Variants in CAMTA1 observed in about 807,000 individuals in gnomAD.
CAMTA1 encodes calmodulin binding transcription activator 1.
CAMTA1 carries 27 observed loss-of-function variants against 170.9 expected under a neutral mutation model. That is an observed-to-expected ratio of 0.16 (90% CI 0.12 to 0.22). The LOEUF is 0.22. CAMTA1 is among the 10% of genes least tolerant of loss of function. The pLI, the probability that CAMTA1 is intolerant of heterozygous loss-of-function variation, is 1.00. For missense variants in CAMTA1, 1,619 were observed against 2,217.2 expected (o/e 0.73, Z 5.42); for synonymous variants, 833 against 891.5 (o/e 0.93, Z 1.17).
At chr1:7,516,124 C>T (rs1408762931) in intron 6 of CAMTA1, among the ~76,000 whole-genome samples, 6 of 152,206 alleles carry the variant, frequency 3.9e-5, no homozygotes, top group Non-Finnish European at 7.3e-5. Flanking sequence ...GGCTGGGGAA[C>T]GTGCGCTGAC....
chr1:7,147,945 T>C (rs1162714761), intron 4 of CAMTA1, among the ~76,000 whole-genome samples: 1 of 142,346 alleles, frequency 7.0e-6, no homozygotes, highest in Middle Eastern at 4.3e-3. Context: ...TCATATACCA[T>C]GCACACACAC....
chr1:7,566,543 A>G (rs776549709), intron 6 of CAMTA1, among the ~76,000 whole-genome samples: 2 of 152,050 alleles, frequency 1.3e-5, no homozygotes, highest in Non-Finnish European at 2.9e-5. Context: ...ATGAGCAGAG[A>G]GAACCTGGCC....
chr1:7,078,779 C>T (rs894006408), intron 3 of CAMTA1, among the ~76,000 whole-genome samples: 3 of 152,176 alleles, frequency 2.0e-5, no homozygotes, highest in Non-Finnish European at 2.9e-5. Flanking sequence ...CATACAATCA[C>T]TTTGTATTTC....
At chr1:7,743,489 G>A (rs2096833064) in intron 16 of CAMTA1, among the ~76,000 whole-genome samples, 2 of 151,948 alleles carry the variant, frequency 1.3e-5, no homozygotes, top group African/African-American at 2.4e-5. Flanking sequence ...GTCCGTCTCT[G>A]CCCAGCCTTA....
rs2096210307 is a variant in CAMTA1, at chr1:7,681,971, AT to A, written c.2914+4241del. Among the ~76,000 whole-genome samples the A allele has an allele frequency of 6.6e-6, 1 of 152,154 alleles. No individual in the cohort carries two copies. Among genetic ancestry groups the A allele is most frequent in the Non-Finnish European group, 1.5e-5 (1 of 68,026 alleles). ...TCTCCCCCAAGGCCAAGTTGAGAAG[AT>A]TTAGGGTACCCTGTCCCCACCCCCA... On this transcript the variant is annotated intron_variant, in intron 11 of 22. Coordinates refer to ENST00000303635, the MANE Select transcript of CAMTA1 (RefSeq NM_015215.4). The surrounding 1 kb of genome is among the most constrained non-coding windows in gnomAD (Gnocchi z 4.6).
intron 3 of CAMTA1, among the ~76,000 whole-genome samples, chr1:7,088,030 G>A (rs909245875): frequency 1.3e-5 from 2 of 152,234 alleles, no homozygotes; most frequent in Non-Finnish European, 2.9e-5. Context: ...TGGGAAGGCT[G>A]GGCAACAGGG....
At chr1:7,362,489 T>C (rs1271379501) in intron 5 of CAMTA1, among the ~76,000 whole-genome samples, 9 of 151,776 alleles carry the variant, frequency 5.9e-5, no homozygotes, top group Non-Finnish European at 1.3e-4. Flanking sequence ...ACTGGTGGAA[T>C]TTAATAGAGT....
intron 1 of CAMTA1, among the ~76,000 whole-genome samples, chr1:6,799,727 CAG>C (rs1467995946): frequency 2.0e-5 from 3 of 152,040 alleles, no homozygotes; most frequent in African/African-American, 7.3e-5. Flanking sequence ...AATGATAAAA[CAG>C]AACAGTTGCA....
At chr1:6,876,438 T>A (rs1209733866) in intron 3 of CAMTA1, among the ~76,000 whole-genome samples, 2 of 152,034 alleles carry the variant, frequency 1.3e-5, no homozygotes, top group Admixed American at 1.3e-4. Flanking sequence ...CTTAACTCAC[T>A]GCAAACCTCC....
chr1:7,535,646 A>T (rs1926445), intron 6 of CAMTA1, among the ~76,000 whole-genome samples: 14,137 of 152,202 alleles, frequency 0.093, 865 homozygotes, highest in East Asian at 0.27. Context: ...TATGTCACTG[A>T]TGCAAACACA....
intron 6 of CAMTA1, among the ~76,000 whole-genome samples, chr1:7,608,370 A>C (rs561955337): frequency 6.6e-6 from 1 of 152,214 alleles, no homozygotes; most frequent in Non-Finnish European, 1.5e-5. Context: ...AGAGCCTCCC[A>C]GGCCTAGTTC....
At chr1:7,048,132 G>T (rs548486808) in intron 3 of CAMTA1, among the ~76,000 whole-genome samples, 93 of 152,246 alleles carry the variant, frequency 6.1e-4, no homozygotes, top group Non-Finnish European at 1.2e-3. Flanking sequence ...AGCGGGGAGG[G>T]TGGAGGCTTC....
Position 7,664,513 on chromosome 1 carries a change from A to G in CAMTA1, c.1966A>G (p.Ser656Gly), listed in dbSNP as rs751985469. 6.2e-7 allele frequency: 1 copy of G among 1,613,250 alleles called. No homozygotes were observed. The highest frequency in any genetic ancestry group is 2.2e-5 in the East Asian group (1 of 44,878). ...GAAAACGGAGGCCTCGTCCCAAACC[A>G]GCTCCTGCAGCGGTCACGTGGAGAC... is the stretch of plus-strand genomic sequence containing the variant. ...TVKTEASSQT[S>G]SCSGHVETRI... is the part of the protein sequence containing the mutation. Residue 656 changes from serine to glycine, a missense_variant, in exon 9 of 23, where the codon AGC (serine) becomes GGC (glycine). Ser to Gly is a moderately conservative substitution (Grantham distance 56). Coordinates refer to ENST00000303635, the MANE Select transcript of CAMTA1 (RefSeq NM_015215.4).
intron 11 of CAMTA1, among the ~76,000 whole-genome samples, chr1:7,703,539 A>G (rs1396996188): frequency 6.6e-6 from 1 of 152,150 alleles, no homozygotes; most frequent in Non-Finnish European, 1.5e-5. Context: ...CATTGGGTGT[A>G]CAGGCTTAAG....
At chr1:6,894,494 A>G (rs951382225) in intron 3 of CAMTA1, among the ~76,000 whole-genome samples, 1 of 152,238 alleles carries the variant, frequency 6.6e-6, no homozygotes, top group African/African-American at 2.4e-5. Flanking sequence ...TGAAGAATTT[A>G]AAGAAATCCA....
At chr1:6,875,773 C>G (rs1310649342) in intron 3 of CAMTA1, among the ~76,000 whole-genome samples, 1 of 152,190 alleles carries the variant, frequency 6.6e-6, no homozygotes, top group Non-Finnish European at 1.5e-5. Context: ...TAAAATAATT[C>G]ACTTTTTAAG....
At chr1:7,347,869 C>T (rs980323466) in intron 5 of CAMTA1, among the ~76,000 whole-genome samples, 1 of 152,216 alleles carries the variant, frequency 6.6e-6, no homozygotes, top group Admixed American at 6.5e-5. Context: ...GACCCTAATG[C>T]ACTATATCAT....
chr1:7,500,100 TAGA>T (rs1465168195), intron 6 of CAMTA1, among the ~76,000 whole-genome samples: 1 of 134,888 alleles, frequency 7.4e-6, no homozygotes, highest in Non-Finnish European at 1.6e-5. Flanking sequence ...CATGAGTGTG[TAGA>T]AGATTGTGTG....
rs528902946 is a variant in CAMTA1, at chr1:7,169,759, T to G, written c.302+78388T>G. Among the ~76,000 whole-genome samples, 14 of 152,338 alleles carry G rather than the reference T, an allele frequency of 9.2e-5. 1 individual carries two copies. In the South Asian group the frequency reaches 2.9e-3, roughly 32 times the overall value. On this transcript the variant is annotated intron_variant, in intron 4 of 22. Transcript: ENST00000303635. ...ACTCCTGACTGGACTTGAGCTGGGC[T>G]CAAGTGATCTGCTCTCTTCAACTTC...
Sources: allele counts gnomAD v4.1 joint callset (sites outside exome capture counted in the v4.1 genomes callset), GRCh38; gene constraint gnomAD v4.1.1; non-coding constraint Gnocchi (gnomAD v3.1); transcripts MANE v1.5; gene names NCBI Gene and HGNC (gene_info 2026-07-23, HGNC 2026-07-21).